TM7SF3: variants seen among roughly 807,000 people sequenced by gnomAD.
TM7SF3 encodes the protein transmembrane 7 superfamily member 3.
In TM7SF3, 60 loss-of-function variants were observed where a neutral mutation model predicts 65.5. The observed-to-expected ratio is 0.92, with a 90% CI of 0.74 to 1.14. The LOEUF is 1.14. TM7SF3 is among the 50% of genes most tolerant of loss of function. The probability of loss-of-function intolerance (pLI) is 0.00; values close to 1 mark genes in which losing one functional copy is unlikely to be tolerated. For synonymous variants in TM7SF3, 264 were observed against 259.6 expected (o/e 1.02, Z -0.16); for missense variants, 623 against 684.8 (o/e 0.91, Z 1.01).
intron 6 of TM7SF3, among the ~76,000 whole-genome samples, chr12:26,986,083 C>T (rs1309084308): frequency 3.3e-5 from 5 of 151,866 alleles, no homozygotes; most frequent in Non-Finnish European, 7.4e-5. Context: ...CCGCCTTGGC[C>T]TCCCAAAGTG....
chr12:26,990,495 A>G lies in TM7SF3; in HGVS notation c.823T>C (p.Tyr275His). 6.2e-7 allele frequency: 1 copy of G among 1,614,068 alleles called. No individual in the cohort carries two copies. The highest frequency in any genetic ancestry group is 8.5e-7 in the Non-Finnish European group (1 of 1,179,942). The change falls in exon 6 of 12, where the codon TAC (tyrosine) becomes CAC (histidine). Residue 275 changes from tyrosine to histidine, a missense_variant. Physicochemically the swap from Tyr to His is moderately conservative, Grantham distance 83. Coordinates refer to ENST00000343028, the MANE Select transcript of TM7SF3 (RefSeq NM_016551.3). ...TSAAYIPAHT[Y>H]ACSFEAGEGS... is the part of the protein sequence containing the mutation. ...TCTCCTGCCTCAAAGCTGCAAGCGT[A>G]TGTGTGAGCAGGAATGTAGGCAGCA...
At chr12:26,979,086 T>C (rs1363862780) in intron 9 of TM7SF3, 1 of 152,296 alleles carries the variant, frequency 6.6e-6, no homozygotes, top group Admixed American at 6.5e-5. Flanking sequence ...TCTATAGAGT[T>C]GACAGCCTCA....
At chr12:26,988,319 G>A (rs1361710594) in intron 6 of TM7SF3, among the ~76,000 whole-genome samples, 1 of 152,044 alleles carries the variant, frequency 6.6e-6, no homozygotes, top group Non-Finnish European at 1.5e-5. Context: ...ATGTGCCACC[G>A]CACCCAGCTA....
chr12:26,995,444 T>C, intron 4 of TM7SF3, 36 bp from the exon 5 acceptor site: 2 of 1,611,042 alleles, frequency 1.2e-6, no homozygotes, highest in Non-Finnish European at 1.7e-6. Flanking sequence ...ATCAGTCTCT[T>C]GTGGTGCAAG....
At position 26,973,979 on chromosome 12, in the gene TM7SF3, G is replaced by A. The variant is rs773159960; in HGVS notation, c.1699C>T (p.Pro567Ser). ...CCCCTGGGCATCTACAGAAGCAAAG[G>A]CGTTCTCTCTCCAGCTGGCTGCTCC... ...QKEQPAGERT[P>S]LLL Residue 567 changes from proline to serine, a missense_variant, in exon 12 of 12, where the codon CCT (proline) becomes TCT (serine). By Grantham distance (74) the Pro-to-Ser change is moderately conservative. Coordinates refer to ENST00000343028, the MANE Select transcript of TM7SF3 (RefSeq NM_016551.3). 3 of 1,614,086 alleles carry A rather than the reference G, an allele frequency of 1.9e-6. No homozygotes were observed. Among genetic ancestry groups the A allele is most frequent in the Non-Finnish European group, 2.5e-6 (3 of 1,180,016 alleles).
At position 26,971,646 on chromosome 12, in the gene TM7SF3, A is replaced by G. The variant is rs1939365996; in HGVS notation, c.*2319T>C. ...TTTTATCACTCACAAATGATGAAAA[A>G]TTTTAAACAATTAGTATCCTCCCTC... On this transcript the variant is annotated 3_prime_UTR_variant, in exon 12 of 12. Coordinates refer to ENST00000343028, the MANE Select transcript of TM7SF3 (RefSeq NM_016551.3). 6.6e-6 allele frequency: 1 copy of G among 152,196 alleles called. No individual in the cohort carries two copies. Among genetic ancestry groups the G allele is most frequent in the Non-Finnish European group, 1.5e-5 (1 of 68,026 alleles). 9.4% of individuals were successfully genotyped at this position (152,196 alleles called of 1,614,324 possible).
At position 26,994,978 on chromosome 12, in the gene TM7SF3, A is replaced by C. The variant is rs532210076; in HGVS notation, c.690+259T>G. Among the ~76,000 whole-genome samples, 10 of 152,314 alleles carry C rather than the reference A, an allele frequency of 6.6e-5. No individual in the cohort carries two copies. In the South Asian group the frequency reaches 2.1e-3, roughly 32 times the overall value. On this transcript the variant is annotated intron_variant, in intron 5 of 11. Transcript: ENST00000343028. The stretch of plus-strand genomic sequence containing the variant: ...ACACAGAAAATTACCACCTCCTTCC[A>C]TTCACATTTCAGATTACCAAGTCAC...
chr12:26,984,811 C>A (rs1939972126), intron 6 of TM7SF3, among the ~76,000 whole-genome samples: 1 of 152,172 alleles, frequency 6.6e-6, no homozygotes, highest in Non-Finnish European at 1.5e-5. Flanking sequence ...AGACATAAAA[C>A]AGGCATTCAC....
chr12:26,976,340 GAAAAA>G lies in TM7SF3; in HGVS notation c.1202_1206del (p.Ile401ThrfsTer2). On this transcript the variant is annotated frameshift_variant, in exon 10 of 12. Transcript: ENST00000343028. LOFTEE classifies it high-confidence loss of function. ...GTGACCCAGAATACACCATCATCAT[GAAAAA>G]TCTTTAGGTTTCCTGAAAAAGCAAA... 1 of 1,613,608 alleles carries G rather than the reference GAAAAA, an allele frequency of 6.2e-7. No individual in the cohort carries two copies. Among genetic ancestry groups the G allele is most frequent in the Non-Finnish European group, 8.5e-7 (1 of 1,179,704 alleles).
chr12:26,988,691 T>A (rs947904196), intron 6 of TM7SF3, among the ~76,000 whole-genome samples: 4 of 151,874 alleles, frequency 2.6e-5, no homozygotes, highest in Non-Finnish European at 5.9e-5. Flanking sequence ...TGTGTGTGTG[T>A]GTGTGTGTGT....
intron 6 of TM7SF3, among the ~76,000 whole-genome samples, chr12:26,987,310 GT>G (rs1396914134): frequency 6.6e-6 from 1 of 152,158 alleles, no homozygotes; most frequent in Non-Finnish European, 1.5e-5. Context: ...AACTCTTAAT[GT>G]ATCCTCCCAA....
At chr12:26,995,459 A>C in intron 4 of TM7SF3, 51 bp from the exon 5 acceptor site, 1 of 1,591,880 alleles carries the variant, frequency 6.3e-7, no homozygotes, top group South Asian at 1.1e-5. Context: ...TGCAAGTCCC[A>C]TCTATAAAAA....
chr12:26,991,909 T>C (rs923259971), intron 5 of TM7SF3, among the ~76,000 whole-genome samples: 1 of 152,206 alleles, frequency 6.6e-6, no homozygotes, highest in Non-Finnish European at 1.5e-5. Flanking sequence ...CCTACCACAG[T>C]GTTTCTCAAA....
chr12:27,010,971 G>GT (rs1941222823), intron 1 of TM7SF3, among the ~76,000 whole-genome samples: 1 of 151,924 alleles, frequency 6.6e-6, no homozygotes. Flanking sequence ...TACTTCTACT[G>GT]TTTGTGTTTC....
intron 2 of TM7SF3, among the ~76,000 whole-genome samples, chr12:27,001,254 A>G (rs755325509): frequency 2.6e-5 from 4 of 152,306 alleles, no homozygotes; most frequent in Middle Eastern, 3.4e-3. Flanking sequence ...AAGGCAGTCC[A>G]AGAAATAAAA....
intron 1 of TM7SF3, among the ~76,000 whole-genome samples, chr12:27,007,757 C>T (rs1941095167): frequency 6.6e-6 from 1 of 152,168 alleles, no homozygotes; most frequent in Non-Finnish European, 1.5e-5. Flanking sequence ...TTCTTTCCTC[C>T]CCAGAGGGAA....
Position 26,999,564 on chromosome 12 carries a change from A to T in TM7SF3, c.359T>A (p.Val120Asp), listed in dbSNP as rs1182621864. The change falls in exon 3 of 12, where the codon GTC becomes GAC. Residue 120 changes from valine to aspartate, a missense_variant. Coordinates refer to ENST00000343028, the MANE Select transcript of TM7SF3 (RefSeq NM_016551.3). ...WYLGTSGIQP[V>D]QNMAILLSYS... ...GGAGAGTAGGATAGCCATATTCTGG[A>T]CAGGCTGTATGCCTGAAGTCCCCAA... 6.2e-7 allele frequency: 1 copy of T among 1,614,072 alleles called. No individual in the cohort carries two copies. Among genetic ancestry groups the T allele is most frequent in the Admixed American group, 1.7e-5 (1 of 59,998 alleles).
At chr12:27,012,321 C>A (rs1941274823) in intron 1 of TM7SF3, among the ~76,000 whole-genome samples, 2 of 151,994 alleles carry the variant, frequency 1.3e-5, no homozygotes, top group South Asian at 4.2e-4. Context: ...CTGGCACACA[C>A]TATACAGAGT....
chr12:26,991,526 C>A (rs1940369037), intron 5 of TM7SF3, among the ~76,000 whole-genome samples: 1 of 152,182 alleles, frequency 6.6e-6, no homozygotes, highest in Non-Finnish European at 1.5e-5. Flanking sequence ...AACCATAATA[C>A]CTATGTTCCT....
Sources: allele counts gnomAD v4.1 joint callset (sites outside exome capture counted in the v4.1 genomes callset), GRCh38; gene constraint gnomAD v4.1.1; transcripts MANE v1.5; gene names NCBI Gene and HGNC (gene_info 2026-07-23, HGNC 2026-07-21).